The following CTSD variants were observed in gnomAD, a reference collection of about 807,000 sequenced individuals.
CTSD encodes ceroid-lipofuscinosis, neuronal 10.
CTSD carries 28 observed loss-of-function variants against 43.6 expected under a neutral mutation model. The ratio of observed to expected loss-of-function variants is 0.64; its 90% CI spans 0.48 to 0.88. The LOEUF is 0.88. Among genes scored for constraint, CTSD ranks in the 40% least tolerant of loss-of-function variants. CTSD has a pLI of 0.00. For synonymous variants in CTSD, 270 were observed against 249.8 expected (o/e 1.08, Z -0.76); for missense variants, 485 against 555.2 (o/e 0.87, Z 1.27).
intron 8 of CTSD, 58 bp downstream of exon 8, chr11:1,753,745 C>G: frequency 6.2e-7 from 1 of 1,609,168 alleles, no homozygotes; most frequent in Non-Finnish European, 8.5e-7. Context: ...TCACCTGGAG[C>G]GTGCGCCCCC....
intron 6 of CTSD, among the ~76,000 whole-genome samples, chr11:1,754,428 T>C (rs1471598294): frequency 6.8e-4 from 42 of 61,926 alleles, no homozygotes; most frequent in Non-Finnish European, 1.2e-3. Flanking sequence ...TGGAGGGGCA[T>C]GGAGGGATGG....
At chr11:1,758,870 T>G (rs1845840415) in intron 4 of CTSD, 99 bp downstream of exon 4, 1 of 906,562 alleles carries the variant, frequency 1.1e-6, no homozygotes, top group East Asian at 2.4e-5. Flanking sequence ...GGGGTTGGGC[T>G]GGGATCACCG....
intron 2 of CTSD, chr11:1,760,658 C>CA (rs1845864330): frequency 6.4e-6 from 1 of 155,676 alleles, no homozygotes; most frequent in Non-Finnish European, 1.4e-5. Context: ...TGGTTCCCCC[C>CA]AGGGCCCCCC....
intron 2 of CTSD, among the ~76,000 whole-genome samples, chr11:1,760,056 T>C (rs976643789): frequency 4.6e-5 from 7 of 152,314 alleles, no homozygotes; most frequent in Middle Eastern, 3.4e-3. Context: ...AGAAAGGAAG[T>C]GACTTCCTCC....
Position 1,753,475 on chromosome 11 carries a change from C to A in CTSD, c.*28G>T, listed in dbSNP as rs904893649. 2 of 1,612,796 alleles carry A rather than the reference C, an allele frequency of 1.2e-6. No homozygotes were observed. Among genetic ancestry groups the A allele is most frequent in the Admixed American group, 3.3e-5 (2 of 60,026 alleles). On this transcript the variant is annotated 3_prime_UTR_variant, in exon 9 of 9. Transcript: ENST00000236671. ...CCTGCTCTGGGACTCTCCTCTGTTT[C>A]TGTGCTGGCGCGCGGACGCCTTGGG...
chr11:1,754,531 GGAGGGAT>G, intron 6 of CTSD, among the ~76,000 whole-genome samples: 1 of 43,264 alleles, frequency 2.3e-5, no homozygotes, highest in South Asian at 9.5e-4. Context: ...TGGAGGGGAT[GGAGGGAT>G]GGAGGGATGG....
At chr11:1,755,216 C>G in intron 5 of CTSD, 188 bp from the exon 6 acceptor site, 1 of 714,194 alleles carries the variant, frequency 1.4e-6, no homozygotes, top group Non-Finnish European at 2.4e-6. Context: ...CGGGGTAGGG[C>G]TGCTCTGCGT....
chr11:1,754,270 G>T, intron 6 of CTSD, 132 bp from the exon 7 acceptor site: 2 of 1,064,120 alleles, frequency 1.9e-6, no homozygotes, highest in South Asian at 1.4e-5. Flanking sequence ...AAGCACAGCC[G>T]GCTGTAAGCC....
Position 1,754,916 on chromosome 11 carries a change from G to A in CTSD, c.817C>T (p.His273Tyr), listed in dbSNP as rs145905196. 15 of 1,613,738 alleles carry A rather than the reference G, an allele frequency of 9.3e-6. No homozygotes were observed. Among genetic ancestry groups the A allele is most frequent in the Non-Finnish European group, 1.3e-5 (15 of 1,179,902 alleles). Reference protein sequence around the residue: ...NVTRKAYWQVHLDQVEVASGL... With the variant: ...NVTRKAYWQVYLDQVEVASGL... ...GCAGCCACTACTCACTGGTCCAGGT[G>A]GACCTGCCAGTAGGCCTTGCGGGTG... is the stretch of plus-strand genomic sequence containing the variant. Residue 273 changes from histidine to tyrosine, a missense_variant, in exon 6 of 9, where the codon CAC (histidine) becomes TAC (tyrosine). His to Tyr is a moderately conservative substitution (Grantham distance 83). Coordinates refer to ENST00000236671, the MANE Select transcript of CTSD (RefSeq NM_001909.5).
Position 1,759,012 on chromosome 11 carries a change from C to A in CTSD, c.428G>T (p.Gly143Val). 1 of 1,614,070 alleles carries A rather than the reference C, an allele frequency of 6.2e-7. No individual in the cohort carries two copies. Among genetic ancestry groups the A allele is most frequent in the Non-Finnish European group, 8.5e-7 (1 of 1,179,916 alleles). ...KNGTSFDIHYGSGSLSGYLSQ... is the reference protein window; with the variant it reads ...KNGTSFDIHYVSGSLSGYLSQ... ...CAGGTACCCGGAGAGGCTGCCCGAG[C>A]CATAGTGGATGTCAAACGAGGTACC... is the stretch of plus-strand genomic sequence containing the variant. Residue 143 changes from glycine (G) to valine (V), a missense_variant, in exon 4 of 9, where the codon GGC becomes GTC. Coordinates refer to ENST00000236671, the MANE Select transcript of CTSD (RefSeq NM_001909.5).
rs1325097000 is a variant in CTSD at position 1,757,458 on chromosome 11, G to T, written c.570C>A (p.Phe190Leu). 6.2e-7 allele frequency: 1 copy of T among 1,614,010 alleles called. No homozygotes were observed. The highest frequency in any genetic ancestry group is 8.5e-7 in the Non-Finnish European group (1 of 1,180,034). Residue 190 changes from phenylalanine (F) to leucine (L), a missense_variant, in exon 5 of 9, where the codon TTC (phenylalanine) becomes TTA (leucine). Coordinates refer to ENST00000236671, the MANE Select transcript of CTSD (RefSeq NM_001909.5). ...GGATGCCATCGAACTTGGCTGCGATGAAGGTGATGCCTGGCTGCTTGGTGG... is the reference window on the plus strand; with the variant it reads ...GGATGCCATCGAACTTGGCTGCGATTAAGGTGATGCCTGGCTGCTTGGTGG... ...GEATKQPGIT[F>L]IAAKFDGILG...
intron 5 of CTSD, 188 bp from the exon 6 acceptor site, chr11:1,755,216 C>T (rs1447493495): frequency 4.2e-6 from 3 of 714,076 alleles, no homozygotes; most frequent in East Asian, 2.7e-5. Context: ...CGGGGTAGGG[C>T]TGCTCTGCGT....
Position 1,753,398 on chromosome 11 carries a change from G to A in CTSD, c.*105C>T. 1 of 1,406,216 alleles carries A rather than the reference G, an allele frequency of 7.1e-7. No individual in the cohort carries two copies. The highest frequency in any genetic ancestry group is 1.0e-6 in the Non-Finnish European group (1 of 996,222). 87.1% of individuals were successfully genotyped at this position (1,406,216 alleles called of 1,614,324 possible). ...CGGCTTCCAGGGCGCCCAGGACAGT[G>A]GGCGGGCGAGTGTGTGGGTGTGTGT... On this transcript the variant is annotated 3_prime_UTR_variant, in exon 9 of 9. Coordinates refer to ENST00000236671, the MANE Select transcript of CTSD (RefSeq NM_001909.5).
chr11:1,754,542 G>GGGATGGAGGGATGGAGGGGATGGAA (rs1255216794), intron 6 of CTSD, among the ~76,000 whole-genome samples: 1 of 126,402 alleles, frequency 7.9e-6, no homozygotes, highest in African/African-American at 3.0e-5. Context: ...GAGGGATGGA[G>GGGATGGAGGGATGGAGGGGATGGAA]GGATGGAGGG....
chr11:1,762,607 T>A (rs538130629), intron 1 of CTSD: 1 of 152,258 alleles, frequency 6.6e-6, no homozygotes, highest in Admixed American at 6.5e-5. Context: ...GGACACGCCC[T>A]CCAGGGACCA....
In CTSD at chr11:1,754,144, G is replaced by A. The variant is rs1222306629; in HGVS notation, c.828-6C>T. On this transcript the variant is annotated splice_polypyrimidine_tract_variant and splice_region_variant and intron_variant, in intron 6 of 8. Transcript: ENST00000236671. The stretch of plus-strand genomic sequence containing the variant: ...GCCCGCTGGCCACCTCCACCCTGCG[G>A]GGAGTCAGGGCGTGAAGCCCCTGCC... The A allele has an allele frequency of 1.2e-6, 2 of 1,607,440 alleles. No individual in the cohort carries two copies. The highest frequency in any genetic ancestry group is 2.2e-5 in the East Asian group (1 of 44,786).
chr11:1,753,715 C>A (rs370522137), intron 8 of CTSD, 45 bp from the exon 9 acceptor site: 9 of 1,608,206 alleles, frequency 5.6e-6, no homozygotes, highest in Non-Finnish European at 7.6e-6. Flanking sequence ...GCACCACCCG[C>A]CCCCCCACCT....
chr11:1,753,529 C>A lies in CTSD; in HGVS notation c.1213G>T (p.Gly405Cys). The change falls in exon 9 of 9, where the codon GGC becomes TGC. Residue 405 changes from glycine (G) to cysteine (C), a missense_variant. By Grantham distance (159) the Gly-to-Cys change is radical (BLOSUM62 -3). Coordinates refer to ENST00000236671, the MANE Select transcript of CTSD (RefSeq NM_001909.5). ...TAGAGGCGGGCAGCCTCGGCGAAGC[C>A]CACCCTGTTGTTGTCACGGTCAAAC... Reference protein sequence around the residue: ...TVFDRDNNRVGFAEAARL With the variant: ...TVFDRDNNRVCFAEAARL 1.2e-6 allele frequency: 2 copies of A among 1,612,996 alleles called. No individual in the cohort carries two copies. Among genetic ancestry groups the A allele is most frequent in the Non-Finnish European group, 1.7e-6 (2 of 1,179,916 alleles).
At position 1,763,906 on chromosome 11, in the gene CTSD, T is replaced by C. The variant is rs886048067; in HGVS notation, c.-47A>G. The C allele has an allele frequency of 6.7e-6, 10 of 1,484,534 alleles. No individual in the cohort carries two copies. Among genetic ancestry groups the C allele is most frequent in the Non-Finnish European group, 6.3e-6 (7 of 1,113,554 alleles). The allele number at this position is 1,484,534 out of a possible 1,614,324, so 92.0% of individuals were successfully genotyped here. Reference sequence around the variant, plus strand: ...GAGGGTCGCCGAGGCCGTGCGCTTATAGCCGGGATGACGCCGCAGTTGGGC... The same window carrying C: ...GAGGGTCGCCGAGGCCGTGCGCTTACAGCCGGGATGACGCCGCAGTTGGGC... On this transcript the variant is annotated 5_prime_UTR_variant, in exon 1 of 9. Transcript: ENST00000236671.
Sources: gnomAD v4.1 joint callset for allele counts (sites outside exome capture counted in the v4.1 genomes callset) on GRCh38, gnomAD v4.1.1 for gene constraint, MANE v1.5 for transcripts, NCBI Gene and HGNC (gene_info 2026-07-23, HGNC 2026-07-21) for gene names.